The following TUB variants were observed in gnomAD, a reference collection of about 807,000 sequenced individuals.
TUB encodes tubby protein homolog.
In TUB, 33 loss-of-function variants were observed where a neutral mutation model predicts 59.7. That is an observed-to-expected ratio of 0.55 (90% CI 0.42 to 0.74). The LOEUF (loss-of-function observed/expected upper bound fraction) is 0.74, where lower values mean the gene tolerates loss of function less well. Ranked by LOEUF, TUB falls within the 30% of genes least tolerant of loss-of-function variation. The pLI, the probability that TUB is intolerant of heterozygous loss-of-function variation, is 0.00. For missense variants in TUB, 659 were observed against 672.0 expected, an observed-to-expected ratio of 0.98 and a Z score of 0.21; for synonymous variants, 293 against 256.4, an observed-to-expected ratio of 1.14 and a Z score of -1.36.
intron 2 of TUB, among the ~76,000 whole-genome samples, chr11:8,048,876 A>G (rs921584541): frequency 3.3e-5 from 5 of 152,232 alleles, no homozygotes; most frequent in African/African-American, 1.2e-4. Flanking sequence ...TACATATAGC[A>G]TATATCATTT....
At chr11:8,089,530 G>C in intron 1 of TUB, 80 bp from the exon 2 acceptor site, 1 of 1,575,740 alleles carries the variant, frequency 6.3e-7, no homozygotes, top group Non-Finnish European at 8.7e-7. Flanking sequence ...AACGGGCCCA[G>C]ATATGCTGGG....
intron 2 of TUB, among the ~76,000 whole-genome samples, chr11:8,060,816 A>G (rs1175716839): frequency 6.6e-6 from 1 of 152,218 alleles, no homozygotes; most frequent in Non-Finnish European, 1.5e-5. Context: ...CCTTGCCAAC[A>G]TAGAAGCTGA....
chr11:8,049,561 G>GTATATATATATATATATATATATATATA (rs372881525), intron 2 of TUB, among the ~76,000 whole-genome samples: 13 of 124,238 alleles, frequency 1.0e-4, no homozygotes, highest in Non-Finnish European at 1.7e-4. Context: ...GTATTATGTG[G>GTATATATATATATATATATATATATATA]TATATATATA....
At chr11:8,056,371 G>A (rs373241505) in intron 2 of TUB, among the ~76,000 whole-genome samples, 1 of 152,170 alleles carries the variant, frequency 6.6e-6, no homozygotes, top group South Asian at 2.1e-4. Context: ...CCTGTGCGTG[G>A]GGGTGGCATG....
chr11:8,093,076 G>C (rs1392598285), intron 3 of TUB, among the ~76,000 whole-genome samples: 1 of 152,164 alleles, frequency 6.6e-6, no homozygotes, highest in Non-Finnish European at 1.5e-5. Context: ...TTACAGTCTA[G>C]GTGGAGAGAC....
At chr11:8,056,973 A>C (rs951075427) in intron 2 of TUB, among the ~76,000 whole-genome samples, 5 of 152,112 alleles carry the variant, frequency 3.3e-5, no homozygotes, top group African/African-American at 1.2e-4. Flanking sequence ...TTCCCCCTCA[A>C]AGTTGAGGAA....
At position 8,019,281 on chromosome 11, in the gene TUB, C is replaced by T; in HGVS notation, c.-22C>T. ...CAGCGCCGCCGCCGCCCGCGGAGCC[C>T]CGAGCGGAGCCGGAGGCGGCGATGG... On this transcript the variant is annotated 5_prime_UTR_variant, in exon 1 of 12. Coordinates refer to the TUB transcript ENST00000534099. 3.2e-6 allele frequency: 4 copies of T among 1,261,076 alleles called. 1 individual carries two copies. Among genetic ancestry groups the T allele is most frequent in the Non-Finnish European group, 4.0e-6 (4 of 1,007,864 alleles). The allele number at this position is 1,261,076 out of a possible 1,614,324, so 78.1% of individuals were successfully genotyped here. A position where few individuals can be genotyped will look rare whatever the true frequency, so the allele number is the denominator to read the frequency against.
chr11:8,023,728 A>T (rs1283338807), intron 1 of TUB, among the ~76,000 whole-genome samples: 1 of 152,236 alleles, frequency 6.6e-6, no homozygotes, highest in East Asian at 1.9e-4. Flanking sequence ...TGACCTCTCC[A>T]AATCTCCTTA....
chr11:8,063,797 C>A (rs971732206), intron 2 of TUB, among the ~76,000 whole-genome samples: 2 of 152,164 alleles, frequency 1.3e-5, no homozygotes, highest in Non-Finnish European at 1.5e-5. Flanking sequence ...ATATTGAGCC[C>A]GTTTACTGTG....
chr11:8,101,434 C>G, intron 11 of TUB, 52 bp from the exon 12 acceptor site: 1 of 1,608,462 alleles, frequency 6.2e-7, no homozygotes, highest in Non-Finnish European at 8.5e-7. Context: ...TTCCCTGGCT[C>G]TACCATTCCT....
intron 1 of TUB, among the ~76,000 whole-genome samples, chr11:8,032,860 A>G (rs1942595389): frequency 6.6e-6 from 1 of 152,138 alleles, no homozygotes; most frequent in African/African-American, 2.4e-5. Flanking sequence ...CCTGACCCCA[A>G]GTTGTCAGTG....
chr11:8,071,247 T>C (rs770190986), intron 2 of TUB, among the ~76,000 whole-genome samples: 3 of 152,100 alleles, frequency 2.0e-5, no homozygotes, highest in African/African-American at 4.8e-5. Flanking sequence ...GCCTTTTTCA[T>C]AGGGGTAGGT....
chr11:8,081,579 A>C, intron 1 of TUB, 31 bp downstream of exon 1: 2 of 1,501,874 alleles, frequency 1.3e-6, no homozygotes, highest in Non-Finnish European at 1.8e-6. Context: ...GGCGCCCACC[A>C]CTCCCGACTC....
At chr11:8,094,558 C>G (rs553202767) in intron 4 of TUB, among the ~76,000 whole-genome samples, 1 of 152,332 alleles carries the variant, frequency 6.6e-6, no homozygotes, top group South Asian at 2.1e-4. Flanking sequence ...TGACTGCTTC[C>G]CAGGCAGCTT....
rs186216517 is a variant in TUB at position 8,059,013 on chromosome 11, C to T, written c.203+19321C>T. 3.0e-4 allele frequency among the ~76,000 whole-genome samples: 46 copies of T among 152,294 alleles called. 1 individual carries two copies. In the East Asian group the frequency reaches 6.2e-3, roughly 20 times the overall value. On this transcript the variant is annotated intron_variant, in intron 2 of 12. Transcript: ENST00000305253. The stretch of plus-strand genomic sequence containing the variant: ...TTGTTAAATGTCACTGTTAACACCC[C>T]GTAGGCCCTCCATTACACATAGTCC...
chr11:8,039,624 A>AC (rs1438441760), intron 1 of TUB: 2 of 1,476,370 alleles, frequency 1.4e-6, no homozygotes, highest in African/African-American at 2.8e-5. Context: ...GTGGAGAGTC[A>AC]CCCCTTCTTT....
intron 2 of TUB, among the ~76,000 whole-genome samples, chr11:8,066,225 G>C (rs548318057): frequency 1.3e-5 from 2 of 152,294 alleles, no homozygotes; most frequent in South Asian, 4.1e-4. Flanking sequence ...CAACAGGTCT[G>C]CTCAGACGCT....
At chr11:8,058,584 A>G (rs1034254644) in intron 2 of TUB, among the ~76,000 whole-genome samples, 4 of 152,392 alleles carry the variant, frequency 2.6e-5, no homozygotes, top group East Asian at 3.9e-4. Flanking sequence ...TAGTTGCTCC[A>G]TGGTGAATAG....
exon 1 of TUB, chr11:8,038,740 A>T (rs1407629702): frequency 6.7e-7 from 1 of 1,501,708 alleles, no homozygotes; most frequent in Non-Finnish European, 8.9e-7. Context: ...GACTGTTGCC[A>T]CGGTGATGAA....
Sources: gnomAD v4.1 joint callset for allele counts (sites outside exome capture counted in the v4.1 genomes callset) on GRCh38, gnomAD v4.1.1 for gene constraint, MANE v1.5 for transcripts, NCBI Gene and HGNC (gene_info 2026-07-23, HGNC 2026-07-21) for gene names.